Variants in DPP10 observed in about 807,000 individuals in gnomAD.
DPP10 encodes the protein inactive dipeptidyl peptidase 10.
In DPP10, 33 loss-of-function variants were observed where a neutral mutation model predicts 120.9. The ratio of observed to expected loss-of-function variants is 0.27; its 90% CI spans 0.21 to 0.37. DPP10 has a LOEUF of 0.37. Ranked by LOEUF, DPP10 falls within the 10% of genes least tolerant of loss-of-function variation. The probability of loss-of-function intolerance (pLI) is 1.00; values close to 1 mark genes in which losing one functional copy is unlikely to be tolerated. For missense variants in DPP10, 816 were observed against 942.8 expected, an observed-to-expected ratio of 0.87 and a Z score of 1.76; for synonymous variants, 337 against 326.1, an observed-to-expected ratio of 1.03 and a Z score of -0.36.
intron 1 of DPP10, chr2:115,162,166 C>T (rs1573842488): frequency 1.3e-6 from 2 of 1,544,422 alleles, no homozygotes; most frequent in Non-Finnish European, 1.7e-6. Flanking sequence ...GTTCCAGGCT[C>T]TCCTGCTTCT....
intron 3 of DPP10, among the ~76,000 whole-genome samples, chr2:115,494,818 G>T (rs1481222202): frequency 6.6e-6 from 1 of 152,074 alleles, no homozygotes; most frequent in Non-Finnish European, 1.5e-5. Context: ...AAGTTTCTCA[G>T]AGAACTGATT....
At chr2:115,234,116 T>C (rs1454803166) in intron 1 of DPP10, 2 of 338,318 alleles carry the variant, frequency 5.9e-6, no homozygotes, top group Admixed American at 4.2e-5. Flanking sequence ...ATTCCCAAGT[T>C]TTATAGATCT....
At chr2:114,555,766 A>C (rs1255602975) in intron 1 of DPP10, among the ~76,000 whole-genome samples, 1 of 152,204 alleles carries the variant, frequency 6.6e-6, no homozygotes, top group Non-Finnish European at 1.5e-5. Context: ...AGGAACAGTA[A>C]TCATTCTTAT....
chr2:115,293,168 G>T (rs1404280019), intron 1 of DPP10, among the ~76,000 whole-genome samples: 1 of 152,154 alleles, frequency 6.6e-6, no homozygotes, highest in Non-Finnish European at 1.5e-5. Context: ...TGGCCTTGCA[G>T]CTGGCAGGAT....
intron 3 of DPP10, among the ~76,000 whole-genome samples, chr2:115,450,192 A>T (rs928931253): frequency 6.6e-6 from 1 of 152,032 alleles, no homozygotes; most frequent in Non-Finnish European, 1.5e-5. Context: ...CAGTGTGCTC[A>T]GAGTACTTAC....
chr2:115,150,288 G>T, intron 1 of DPP10, among the ~76,000 whole-genome samples: 1 of 152,216 alleles, frequency 6.6e-6, no homozygotes, highest in East Asian at 1.9e-4. Context: ...CATTAGGAAT[G>T]AGATAATAAT....
chr2:115,108,656 A>T (rs1361169851), intron 1 of DPP10, among the ~76,000 whole-genome samples: 1 of 152,206 alleles, frequency 6.6e-6, no homozygotes, highest in Non-Finnish European at 1.5e-5. Flanking sequence ...TGAAAAAAAA[A>T]TTTAAATTGA....
chr2:114,667,973 G>A (rs1017090963), intron 1 of DPP10, among the ~76,000 whole-genome samples: 5 of 151,968 alleles, frequency 3.3e-5, no homozygotes, highest in African/African-American at 7.3e-5. Context: ...GTATCTTTAG[G>A]TCAGTGACCT....
intron 19 of DPP10, among the ~76,000 whole-genome samples, chr2:115,800,748 A>G (rs1685123562): frequency 6.6e-6 from 1 of 152,078 alleles, no homozygotes; most frequent in Non-Finnish European, 1.5e-5. Context: ...ATAGTTGTAG[A>G]TATACGGCAT....
chr2:115,086,092 T>C (rs900136132), intron 1 of DPP10, among the ~76,000 whole-genome samples: 7 of 152,248 alleles, frequency 4.6e-5, no homozygotes, highest in Non-Finnish European at 1.0e-4. Context: ...CCATCCTTTG[T>C]TGGGAAAGAT....
intron 1 of DPP10, among the ~76,000 whole-genome samples, chr2:115,013,298 T>G (rs1702393531): frequency 6.6e-6 from 1 of 152,194 alleles, no homozygotes; most frequent in Non-Finnish European, 1.5e-5. Flanking sequence ...AAAATTCTTT[T>G]CTTTAAGAAT....
Position 115,472,935 on chromosome 2 carries a change from C to G in DPP10, c.272-26575C>G, listed in dbSNP as rs1477533164. On this transcript the variant is annotated intron_variant, in intron 3 of 25. Transcript: ENST00000410059. The stretch of plus-strand genomic sequence containing the variant: ...CTGTTAGACTTCTGAGCAGGTCATA[C>G]AAGAAGATTGGGAAGCTATCCTGGA... Among the ~76,000 whole-genome samples the G allele has an allele frequency of 5.3e-5, 8 of 152,120 alleles. No individual in the cohort carries two copies. In the East Asian group the frequency reaches 1.5e-3, roughly 29 times the overall value.
intron 1 of DPP10, among the ~76,000 whole-genome samples, chr2:114,879,851 C>T (rs10192492): frequency 0.33 from 50,635 of 151,892 alleles, 8,946 homozygotes; most frequent in East Asian, 0.58. Context: ...GAGCTTCCCT[C>T]AAGGCTGGAT....
intron 5 of DPP10, among the ~76,000 whole-genome samples, chr2:115,601,398 C>T (rs1265541931): frequency 1.3e-5 from 2 of 152,068 alleles, no homozygotes; most frequent in African/African-American, 4.8e-5. Flanking sequence ...ACACCAGTTA[C>T]CCAAATATAA....
intron 3 of DPP10, among the ~76,000 whole-genome samples, chr2:115,458,874 A>G (rs2073795007): frequency 6.6e-6 from 1 of 152,200 alleles, no homozygotes; most frequent in Admixed American, 6.5e-5. Flanking sequence ...AAATATACAC[A>G]CTAAGAGTAC....
At chr2:114,945,473 A>C (rs1331680006) in intron 1 of DPP10, among the ~76,000 whole-genome samples, 2 of 152,210 alleles carry the variant, frequency 1.3e-5, no homozygotes, top group African/African-American at 4.8e-5. Context: ...GCAGGTAAGC[A>C]TATGAAGACT....
chr2:115,196,707 G>A (rs2055299837), intron 1 of DPP10, among the ~76,000 whole-genome samples: 1 of 152,222 alleles, frequency 6.6e-6, no homozygotes, highest in Non-Finnish European at 1.5e-5. Context: ...TAAGGCCTCT[G>A]ACCATGTTCT....
At chr2:115,685,920 A>G (rs62157887) in intron 5 of DPP10, among the ~76,000 whole-genome samples, 11,806 of 152,068 alleles carry the variant, frequency 0.078, 655 homozygotes, top group Non-Finnish European at 0.12. Context: ...TCCATAAATT[A>G]CATATATGCA....
At chr2:115,688,911 A>ACTTCACCAACAAACACTTCG (rs2091157571) in intron 5 of DPP10, among the ~76,000 whole-genome samples, 3 of 151,876 alleles carry the variant, frequency 2.0e-5, no homozygotes, top group African/African-American at 7.3e-5. Flanking sequence ...ATCTCACTTC[A>ACTTCACCAACAAACACTTCG]ACTTCACCAA....
Sources: allele counts gnomAD v4.1 joint callset (sites outside exome capture counted in the v4.1 genomes callset), GRCh38; gene constraint gnomAD v4.1.1; transcripts MANE v1.5; gene names NCBI Gene and HGNC (gene_info 2026-07-23, HGNC 2026-07-21).